Variants in PPIE observed in about 807,000 individuals in gnomAD.
The protein encoded by PPIE is peptidyl-prolyl cis-trans isomerase E.
A neutral mutation model predicts 38.4 loss-of-function variants in PPIE; 20 were observed. The ratio of observed to expected loss-of-function variants is 0.52; its 90% CI spans 0.37 to 0.76. The LOEUF is 0.76. Among genes scored for constraint, PPIE ranks in the 30% least tolerant of loss-of-function variants. The pLI is 0.00. For missense variants in PPIE, 322 were observed against 385.8 expected, an observed-to-expected ratio of 0.83 and a Z score of 1.39; for synonymous variants, 142 against 135.7, an observed-to-expected ratio of 1.05 and a Z score of -0.32.
At position 39,755,804 on chromosome 1, in the gene PPIE, T is replaced by C. The variant is rs1429218556; in HGVS notation, c.*2449T>C. ...TCCTCCTGGGTGTTCACAGATGTTA[T>C]TGAATGCACACTGGAACCCTGCACA... On this transcript the variant is annotated 3_prime_UTR_variant, in exon 10 of 10. Transcript: ENST00000324379. The C allele has an allele frequency of 1.0e-6, 1 of 985,364 alleles. No homozygotes were observed. Among genetic ancestry groups the C allele is most frequent in the Non-Finnish European group, 1.2e-6 (1 of 829,894 alleles). 61.0% of individuals were successfully genotyped at this position (985,364 alleles called of 1,614,324 possible).
chr1:39,760,468 A>G, downstream of PPIE: 1 of 1,614,142 alleles, frequency 6.2e-7, no homozygotes, highest in East Asian at 2.2e-5. Context: ...CTTGCGCAGG[A>G]TGACATTGTT....
chr1:39,760,550 C>T (rs773815956), downstream of PPIE: 8 of 1,613,914 alleles, frequency 5.0e-6, no homozygotes, highest in Non-Finnish European at 3.4e-6. Flanking sequence ...GGGACTGCGT[C>T]TGGCATCATC....
intron 4 of PPIE, chr1:39,742,259 C>T: frequency 4.9e-6 from 1 of 202,024 alleles, no homozygotes; most frequent in Non-Finnish European, 1.0e-5. Context: ...AGTGTTAGAC[C>T]AATTTACAAT....
In PPIE at chr1:39,756,333, C is replaced by CA; in HGVS notation, c.*2979dup. On this transcript the variant is annotated 3_prime_UTR_variant, in exon 10 of 10. Transcript: ENST00000324379. ...TTGCTGGACCAGCACCAGGACTGGG[C>CA]ACAGGGCTTCCTTTTGCTGATTCAT... 1 of 985,444 alleles carries CA rather than the reference C, an allele frequency of 1.0e-6. No individual in the cohort carries two copies. The highest frequency in any genetic ancestry group is 1.2e-6 in the Non-Finnish European group (1 of 829,942). 61.0% of individuals were successfully genotyped at this position (985,444 alleles called of 1,614,324 possible).
At chr1:39,762,476 G>A in intron 9 of PPIE, 2 of 1,532,934 alleles carry the variant, frequency 1.3e-6, no homozygotes, top group Non-Finnish European at 8.8e-7. Context: ...ACAGTGAGCA[G>A]CACCAGTGAT....
intron 3 of PPIE, chr1:39,741,648 C>T (rs1162702726): frequency 1.6e-6 from 1 of 624,164 alleles, no homozygotes; most frequent in Non-Finnish European, 2.8e-6. Context: ...GCTCATGCAC[C>T]CCTGTTCATT....
chr1:39,739,557 C>T (rs956444157), intron 1 of PPIE, among the ~76,000 whole-genome samples: 7 of 152,160 alleles, frequency 4.6e-5, no homozygotes, highest in African/African-American at 1.4e-4. Context: ...TAATATGGGC[C>T]TGGCTGCGGG....
At position 39,755,120 on chromosome 1, in the gene PPIE, C is replaced by T; in HGVS notation, c.*1765C>T. 1.0e-6 allele frequency: 1 copy of T among 985,474 alleles called. No individual in the cohort carries two copies. The highest frequency in any genetic ancestry group is 1.2e-6 in the Non-Finnish European group (1 of 829,936). The allele number at this position is 985,474 out of a possible 1,614,324, so 61.0% of individuals were successfully genotyped here. A position where few individuals can be genotyped will look rare whatever the true frequency, so the allele number is the denominator to read the frequency against. ...CTTCTCTCCACTCCCCCTCCAGATG[C>T]TGGTCAGCCAGGCGGTTATAAAGAA... On this transcript the variant is annotated 3_prime_UTR_variant, in exon 10 of 10. Coordinates refer to ENST00000324379, the MANE Select transcript of PPIE (RefSeq NM_006112.4).
chr1:39,745,576 A>C, intron 7 of PPIE, 78 bp downstream of exon 7: 1 of 1,600,226 alleles, frequency 6.2e-7, no homozygotes, highest in Non-Finnish European at 8.5e-7. Context: ...TTACTGCTTC[A>C]CTTCTTGTGT....
At chr1:39,740,036 G>T in intron 1 of PPIE, 129 bp from the exon 2 acceptor site, 1 of 643,828 alleles carries the variant, frequency 1.6e-6, no homozygotes, top group Non-Finnish European at 2.8e-6. Context: ...AGATGAGAGG[G>T]GGATGTTTGT....
rs994811054 is a variant in PPIE, at chr1:39,755,042, C to G, written c.*1687C>G. On this transcript the variant is annotated 3_prime_UTR_variant, in exon 10 of 10. Coordinates refer to ENST00000324379, the MANE Select transcript of PPIE (RefSeq NM_006112.4). ...CTGAAGAGAACAAATGGTCCCACCCCCTGCTGAGCTCACAGTCTGGCTCTC... is the reference window on the plus strand; with the variant it reads ...CTGAAGAGAACAAATGGTCCCACCCGCTGCTGAGCTCACAGTCTGGCTCTC... 1.0e-6 allele frequency: 1 copy of G among 985,342 alleles called. No homozygotes were observed. Among genetic ancestry groups the G allele is most frequent in the Non-Finnish European group, 1.2e-6 (1 of 829,944 alleles). 61.0% of individuals were successfully genotyped at this position (985,342 alleles called of 1,614,324 possible).
downstream of PPIE, among the ~76,000 whole-genome samples, chr1:39,760,991 C>G (rs1171747163): frequency 1.3e-5 from 2 of 152,090 alleles, no homozygotes; most frequent in African/African-American, 4.8e-5. Flanking sequence ...CTCCCACACC[C>G]TGGCCTCCCT....
chr1:39,760,541 G>A, downstream of PPIE: 1 of 1,613,992 alleles, frequency 6.2e-7, no homozygotes, highest in Non-Finnish European at 8.5e-7. Flanking sequence ...CACGCCTTGG[G>A]GACTGCGTCT....
intron 7 of PPIE, chr1:39,746,918 TA>T (rs1647228356): frequency 6.6e-6 from 1 of 152,250 alleles, no homozygotes. Flanking sequence ...TGAATCATCC[TA>T]AACAAAACCA....
chr1:39,749,234 G>A (rs985078779), intron 8 of PPIE, 146 bp downstream of exon 8: 13 of 828,688 alleles, frequency 1.6e-5, no homozygotes, highest in Non-Finnish European at 2.4e-5. Flanking sequence ...GAACCATGCA[G>A]CCTTGCTAGG....
rs767818384 is a variant in PPIE, at chr1:39,748,864, A to AT, written c.509-33dup. The AT allele has an allele frequency of 3.7e-5, 59 of 1,577,096 alleles. No individual in the cohort carries two copies. The African/African-American group carries it at 7.4e-4, about 20-fold the overall frequency. On this transcript the variant is annotated intron_variant, in intron 7 of 9. Transcript: ENST00000324379. ...TTTTCGAGGTTTTTTATTTTGTCCT[A>AT]TTTTTTAACCCCAGCGCTTTTTCCT... is the stretch of plus-strand genomic sequence containing the variant.
intron 9 of PPIE, 115 bp downstream of exon 9, chr1:39,753,167 G>T: frequency 8.8e-6 from 14 of 1,587,366 alleles, no homozygotes; most frequent in Non-Finnish European, 1.1e-5. Flanking sequence ...TGTCCAGCGG[G>T]AGGGGCTGCT....
At chr1:39,760,786 G>GT, downstream of PPIE, among the ~76,000 whole-genome samples, 1 of 152,196 alleles carries the variant, frequency 6.6e-6, no homozygotes, top group Non-Finnish European at 1.5e-5. Context: ...AGGGACACAT[G>GT]GCAGGGGGTG....
intron 7 of PPIE, chr1:39,745,764 A>G (rs1250128040): frequency 8.3e-6 from 3 of 360,754 alleles, no homozygotes; most frequent in Non-Finnish European, 1.5e-5. Context: ...TAGCATATAC[A>G]TATATTCCAA....
Sources: allele counts gnomAD v4.1 joint callset (sites outside exome capture counted in the v4.1 genomes callset), GRCh38; gene constraint gnomAD v4.1.1; transcripts MANE v1.5; gene names NCBI Gene and HGNC (gene_info 2026-07-23, HGNC 2026-07-21).